Variants in NRXN1 observed in about 807,000 individuals in gnomAD.
The protein encoded by NRXN1 is neurexin-1.
NRXN1 carries 39 observed loss-of-function variants against 150.9 expected under a neutral mutation model. The observed-to-expected ratio is 0.26, with a 90% confidence interval of 0.20 to 0.34. The LOEUF (loss-of-function observed/expected upper bound fraction) is 0.34. Among genes scored for constraint, NRXN1 ranks in the 10% least tolerant of loss-of-function variants. NRXN1 has a pLI of 1.00. For synonymous variants in NRXN1, 924 were observed against 757.0 expected (o/e 1.22, Z -3.62); for missense variants, 1,815 against 1,949.9 (o/e 0.93, Z 1.30).
At chr2:50,523,262 T>A (rs1445964465) in intron 12 of NRXN1, among the ~76,000 whole-genome samples, 3 of 152,190 alleles carry the variant, frequency 2.0e-5, no homozygotes, top group Non-Finnish European at 4.4e-5. Flanking sequence ...TCTGTTTTCT[T>A]TATTTATACT....
chr2:50,630,774 G>C (rs1682157104), intron 5 of NRXN1, among the ~76,000 whole-genome samples: 1 of 151,534 alleles, frequency 6.6e-6, no homozygotes, highest in Admixed American at 6.6e-5. Flanking sequence ...AAAAACAAAT[G>C]AATGAAAAAA....
intron 5 of NRXN1, among the ~76,000 whole-genome samples, chr2:50,888,070 T>C (rs1680524222): frequency 6.6e-6 from 1 of 151,480 alleles, no homozygotes; most frequent in South Asian, 2.1e-4. Flanking sequence ...GAAACAATGA[T>C]ATCTGTCTTA....
At chr2:50,947,369 T>C (rs1471834174) in intron 2 of NRXN1, among the ~76,000 whole-genome samples, 1 of 151,960 alleles carries the variant, frequency 6.6e-6, no homozygotes, top group African/African-American at 2.4e-5. Flanking sequence ...TACTATTATT[T>C]TAAAATAATT....
intron 18 of NRXN1, among the ~76,000 whole-genome samples, chr2:50,142,144 T>C (rs1016462982): frequency 3.9e-5 from 6 of 152,022 alleles, no homozygotes; most frequent in Non-Finnish European, 8.8e-5. Context: ...TCAAAACCTG[T>C]CTTTTGCAGC....
At chr2:50,620,346 GA>G (rs1679791987) in intron 7 of NRXN1, among the ~76,000 whole-genome samples, 163 bp from the exon 8 acceptor site, 1 of 152,002 alleles carries the variant, frequency 6.6e-6, no homozygotes, top group South Asian at 2.1e-4. Context: ...ACCTATGACG[GA>G]ACCCATTTTC....
intron 21 of NRXN1, among the ~76,000 whole-genome samples, chr2:50,026,864 T>C (rs866019290): frequency 8.2e-4 from 22 of 26,954 alleles, no homozygotes; most frequent in Non-Finnish European, 1.1e-3. Flanking sequence ...CTTTTCTTTT[T>C]TTTTTTTTTT....
At chr2:50,800,878 C>CA (rs932526866) in intron 5 of NRXN1, among the ~76,000 whole-genome samples, 16 of 152,012 alleles carry the variant, frequency 1.1e-4, no homozygotes, top group African/African-American at 3.9e-4. Flanking sequence ...GCACTTGTTA[C>CA]AAAAATCTTC....
At chr2:50,735,143 T>C (rs1698572690) in intron 5 of NRXN1, among the ~76,000 whole-genome samples, 1 of 152,166 alleles carries the variant, frequency 6.6e-6, no homozygotes. Context: ...TAATAGGCCT[T>C]TCGTTTATTG....
chr2:50,537,144 C>G (rs775400436), intron 10 of NRXN1, among the ~76,000 whole-genome samples: 109 of 152,080 alleles, frequency 7.2e-4, no homozygotes, highest in Non-Finnish European at 1.4e-3. Flanking sequence ...AAAACAACCC[C>G]TCTTTTTCCT....
chr2:50,213,907 C>A (rs1364818772), intron 18 of NRXN1, among the ~76,000 whole-genome samples: 1 of 151,924 alleles, frequency 6.6e-6, no homozygotes, highest in Non-Finnish European at 1.5e-5. Flanking sequence ...TTCACCACAT[C>A]CATCTTTCTA....
At chr2:49,943,914 C>G in intron 21 of NRXN1, 123 bp from the exon 22 acceptor site, 1 of 755,094 alleles carries the variant, frequency 1.3e-6, no homozygotes, top group Non-Finnish European at 2.4e-6. Context: ...ATTTCCCTTT[C>G]TAAAGACACA....
rs576878246 is a variant in NRXN1 at position 50,019,920 on chromosome 2, C to A, written c.4128+33351G>T. 2.4e-4 allele frequency among the ~76,000 whole-genome samples: 28 copies of A among 117,104 alleles called. 1 individual carries two copies. Among genetic ancestry groups the A allele is most frequent in the African/African-American group, 8.7e-4 (27 of 30,866 alleles). 76.8% of individuals were successfully genotyped at this position (117,104 alleles called of 152,430 possible). A position where few individuals can be genotyped will look rare whatever the true frequency, so the allele number is the denominator to read the frequency against. On this transcript the variant is annotated intron_variant, in intron 21 of 22. Transcript: ENST00000401669. ...CCGAGATCGCGCCACTGCACTCCGGCCTGGGTGACAAAGCAAGACTCCGTC... is the reference window on the plus strand; with the variant it reads ...CCGAGATCGCGCCACTGCACTCCGGACTGGGTGACAAAGCAAGACTCCGTC...
intron 5 of NRXN1, among the ~76,000 whole-genome samples, chr2:50,730,814 A>C (rs1289873747): frequency 6.6e-6 from 1 of 151,638 alleles, no homozygotes; most frequent in East Asian, 1.9e-4. Context: ...CTGGGACTAC[A>C]GGCGCCCGCC....
intron 2 of NRXN1, among the ~76,000 whole-genome samples, chr2:50,956,887 C>T (rs1692371867): frequency 2.6e-5 from 4 of 152,024 alleles, no homozygotes; most frequent in Admixed American, 1.3e-4. Context: ...TTTACATACA[C>T]GGAAGCTCAA....
At chr2:50,236,365 G>C (rs533781338) in intron 18 of NRXN1, among the ~76,000 whole-genome samples, 1 of 152,082 alleles carries the variant, frequency 6.6e-6, no homozygotes, top group African/African-American at 2.4e-5. Flanking sequence ...CTTCAGATAA[G>C]TACTTTCTCT....
chr2:50,794,839 C>A (rs1165910647), intron 5 of NRXN1, among the ~76,000 whole-genome samples: 3 of 152,016 alleles, frequency 2.0e-5, no homozygotes, highest in Non-Finnish European at 4.4e-5. Flanking sequence ...CTTTTTGAAA[C>A]ACAATTTTTT....
intron 5 of NRXN1, among the ~76,000 whole-genome samples, chr2:50,859,012 G>A (rs193074449): frequency 7.4e-4 from 112 of 152,210 alleles, no homozygotes; most frequent in African/African-American, 2.6e-3. Context: ...CATCTCCACT[G>A]AGATTTTAAA....
intron 17 of NRXN1, among the ~76,000 whole-genome samples, chr2:50,443,514 A>T (rs146017525): frequency 5.3e-5 from 8 of 152,288 alleles, no homozygotes; most frequent in African/African-American, 1.9e-4. Flanking sequence ...AAGTGATGTC[A>T]TGTTACCGAG....
At chr2:50,550,225 T>C (rs923069450) in intron 9 of NRXN1, among the ~76,000 whole-genome samples, 4 of 152,034 alleles carry the variant, frequency 2.6e-5, no homozygotes, top group Admixed American at 1.3e-4. Flanking sequence ...ATGGGTTGTT[T>C]TGTGTTGTTT....
Sources: gnomAD v4.1 joint callset for allele counts (sites outside exome capture counted in the v4.1 genomes callset) on GRCh38, gnomAD v4.1.1 for gene constraint, MANE v1.5 for transcripts, NCBI Gene and HGNC (gene_info 2026-07-23, HGNC 2026-07-21) for gene names.